EXOC4: variants seen among roughly 807,000 people sequenced by gnomAD.
EXOC4 encodes exocyst complex component 4.
A neutral mutation model predicts 107.2 loss-of-function variants in EXOC4; 71 were observed. That is an observed-to-expected ratio of 0.66 (90% CI 0.55 to 0.81). EXOC4 has a LOEUF of 0.81. Ranked by LOEUF, EXOC4 falls within the 30% of genes least tolerant of loss-of-function variation. The pLI, the probability that EXOC4 is intolerant of heterozygous loss-of-function variation, is 0.00. For synonymous variants in EXOC4, 456 were observed against 441.2 expected (o/e 1.03, Z -0.42); for missense variants, 1,108 against 1,189.6 (o/e 0.93, Z 1.01).
At chr7:133,575,374 G>A (rs1469946442) in intron 9 of EXOC4, among the ~76,000 whole-genome samples, 1 of 152,218 alleles carries the variant, frequency 6.6e-6, no homozygotes, top group Non-Finnish European at 1.5e-5. Flanking sequence ...GTGCACAAGA[G>A]AGGTATTGGT....
chr7:133,964,862 G>A (rs1749695542), intron 14 of EXOC4, among the ~76,000 whole-genome samples: 1 of 152,118 alleles, frequency 6.6e-6, no homozygotes, highest in South Asian at 2.1e-4. Context: ...GAATTGCTGG[G>A]TCAAATGGTA....
chr7:133,593,063 A>T (rs1801587533), intron 9 of EXOC4, among the ~76,000 whole-genome samples: 2 of 152,226 alleles, frequency 1.3e-5, no homozygotes, highest in Admixed American at 1.3e-4. Context: ...GGTAGATATT[A>T]AAGCTTATAC....
At chr7:133,589,546 A>G (rs1486112840) in intron 9 of EXOC4, among the ~76,000 whole-genome samples, 3 of 152,176 alleles carry the variant, frequency 2.0e-5, no homozygotes, top group Admixed American at 6.5e-5. Context: ...TTCCATTGAA[A>G]GCTCTGCTCT....
intron 9 of EXOC4, among the ~76,000 whole-genome samples, chr7:133,520,401 G>C (rs912274881): frequency 6.6e-6 from 1 of 152,112 alleles, no homozygotes; most frequent in Non-Finnish European, 1.5e-5. Context: ...AAATGTCTGA[G>C]TATGAACAAA....
intron 7 of EXOC4, among the ~76,000 whole-genome samples, chr7:133,388,186 C>T (rs767563942): frequency 2.6e-5 from 4 of 152,066 alleles, no homozygotes; most frequent in Non-Finnish European, 4.4e-5. Flanking sequence ...CCCATGTATT[C>T]ATTATCCAGT....
chr7:133,485,098 T>G (rs28529253), intron 9 of EXOC4, among the ~76,000 whole-genome samples: 1 of 129,214 alleles, frequency 7.7e-6, no homozygotes, highest in Non-Finnish European at 1.6e-5. Flanking sequence ...AATAAATAAA[T>G]AAATAAATAA....
chr7:133,889,556 A>C (rs1052068015), intron 11 of EXOC4, among the ~76,000 whole-genome samples: 4 of 123,688 alleles, frequency 3.2e-5, no homozygotes, highest in African/African-American at 1.2e-4. Context: ...ATATCTCCGA[A>C]TGCTATCCCT....
intron 9 of EXOC4, among the ~76,000 whole-genome samples, chr7:133,539,575 A>G (rs779473441): frequency 6.7e-5 from 10 of 148,870 alleles, no homozygotes; most frequent in Non-Finnish European, 1.0e-4. Context: ...TTAATCAAGA[A>G]TAGGAAAGTC....
At chr7:134,050,822 GTT>G (rs900948510) in intron 17 of EXOC4, among the ~76,000 whole-genome samples, 5 of 149,504 alleles carry the variant, frequency 3.3e-5, no homozygotes, top group East Asian at 2.0e-4. Flanking sequence ...AACACACAAG[GTT>G]TTTTTTTTAT....
chr7:133,875,627 G>A (rs903202743), intron 11 of EXOC4, among the ~76,000 whole-genome samples: 1 of 152,092 alleles, frequency 6.6e-6, no homozygotes, highest in Non-Finnish European at 1.5e-5. Context: ...TTCCTGTCCT[G>A]ACACCATCCT....
rs1318319769 is a variant in EXOC4, at chr7:133,894,715, G to C, written c.1735-884G>C. On this transcript the variant is annotated intron_variant, in intron 11 of 17. Transcript: ENST00000253861. ...GTGAGGTGTCAGTGTGCCCCTGCTG[G>C]GGGGTGACTCCCAGTTAGGCTGCTC... Among the ~76,000 whole-genome samples the C allele has an allele frequency of 7.3e-5, 6 of 82,452 alleles. 2 individuals are homozygous for C. Among genetic ancestry groups the C allele is most frequent in the Non-Finnish European group, 1.3e-4 (6 of 46,764 alleles). The allele number at this position is 82,452 out of a possible 152,430, so 54.1% of individuals were successfully genotyped here. A position where few individuals can be genotyped will look rare whatever the true frequency, so the allele number is the denominator to read the frequency against.
At chr7:133,763,494 T>C (rs1040542163) in intron 10 of EXOC4, among the ~76,000 whole-genome samples, 1 of 152,140 alleles carries the variant, frequency 6.6e-6, no homozygotes. Flanking sequence ...GATGTGATGT[T>C]GGCCAGATTA....
At chr7:134,034,091 A>G (rs552967994) in intron 17 of EXOC4, among the ~76,000 whole-genome samples, 3 of 152,328 alleles carry the variant, frequency 2.0e-5, no homozygotes, top group South Asian at 4.1e-4. Context: ...GACTTGATCC[A>G]GCTCAGAACA....
chr7:134,028,832 G>A (rs1452649997), intron 17 of EXOC4, among the ~76,000 whole-genome samples: 2 of 152,224 alleles, frequency 1.3e-5, no homozygotes, highest in Non-Finnish European at 1.5e-5. Flanking sequence ...TAGTGTTGGG[G>A]CCACTTACAC....
chr7:133,420,150 GTGAT>G (rs910870160), intron 7 of EXOC4, among the ~76,000 whole-genome samples: 9 of 127,704 alleles, frequency 7.0e-5, no homozygotes, highest in Non-Finnish European at 1.4e-4. Context: ...TCCCCAGAGT[GTGAT>G]ATTCCCCTTC....
At chr7:134,019,840 C>T (rs931019253) in intron 17 of EXOC4, among the ~76,000 whole-genome samples, 1 of 152,262 alleles carries the variant, frequency 6.6e-6, no homozygotes, top group East Asian at 1.9e-4. Context: ...GGGTGTCTTT[C>T]CCCCTTGATT....
chr7:133,515,872 A>G (rs928873171), intron 9 of EXOC4, among the ~76,000 whole-genome samples: 1 of 152,142 alleles, frequency 6.6e-6, no homozygotes. Context: ...CTTCTTATAT[A>G]GTCATTCTTT....
intron 10 of EXOC4, among the ~76,000 whole-genome samples, chr7:133,657,362 C>G (rs1311882973): frequency 6.6e-6 from 1 of 152,056 alleles, no homozygotes; most frequent in Non-Finnish European, 1.5e-5. Context: ...ATGTTAAACA[C>G]CATCAACAGT....
At chr7:133,281,297 T>A (rs1380122599) in intron 2 of EXOC4, among the ~76,000 whole-genome samples, 1 of 134,986 alleles carries the variant, frequency 7.4e-6, no homozygotes, top group Non-Finnish European at 1.6e-5. Flanking sequence ...AAAAAATAAA[T>A]AAATAAATAA....
Sources: allele counts gnomAD v4.1 joint callset (sites outside exome capture counted in the v4.1 genomes callset), GRCh38; gene constraint gnomAD v4.1.1; transcripts MANE v1.5; gene names NCBI Gene and HGNC (gene_info 2026-07-23, HGNC 2026-07-21).